MYRIP: variants seen among roughly 807,000 people sequenced by gnomAD.
MYRIP encodes the protein rab effector MyRIP.
In MYRIP, 49 loss-of-function variants were observed where a neutral mutation model predicts 98.0. That is an observed-to-expected ratio of 0.50 (90% CI 0.40 to 0.63). The LOEUF (loss-of-function observed/expected upper bound fraction) is 0.63. MYRIP is among the 30% of genes least tolerant of loss of function. The pLI is 0.00. For missense variants in MYRIP, 1,004 were observed against 1,058.2 expected, an observed-to-expected ratio of 0.95 and a Z score of 0.71; for synonymous variants, 404 against 409.5, an observed-to-expected ratio of 0.99 and a Z score of 0.16.
chr3:40,121,629 T>C (rs1949407022), intron 3 of MYRIP, among the ~76,000 whole-genome samples: 1 of 152,148 alleles, frequency 6.6e-6, no homozygotes, highest in Non-Finnish European at 1.5e-5. Context: ...CAAAGCTACC[T>C]TCCACCAGGT....
intron 9 of MYRIP, among the ~76,000 whole-genome samples, chr3:40,188,479 GAAAAAA>G (rs35216480): frequency 7.3e-6 from 1 of 137,654 alleles, no homozygotes; most frequent in Non-Finnish European, 1.6e-5. Context: ...TGGTTAAAAG[GAAAAAA>G]AAAAAAAAAA....
At chr3:39,841,467 G>C (rs1343780868) in intron 1 of MYRIP, among the ~76,000 whole-genome samples, 1 of 151,986 alleles carries the variant, frequency 6.6e-6, no homozygotes, top group Non-Finnish European at 1.5e-5. Context: ...AATTCATCAA[G>C]TCATTCTCCA....
chr3:40,081,280 A>T (rs181235033), intron 3 of MYRIP, among the ~76,000 whole-genome samples: 4 of 152,258 alleles, frequency 2.6e-5, no homozygotes, highest in African/African-American at 7.2e-5. Context: ...CAAATCTTCT[A>T]TATTCTTCCT....
chr3:39,961,143 T>A (rs1469084408), intron 2 of MYRIP, among the ~76,000 whole-genome samples: 1 of 152,132 alleles, frequency 6.6e-6, no homozygotes, highest in Admixed American at 6.6e-5. Flanking sequence ...TTAAAAAATG[T>A]CTTAGAACAT....
At chr3:40,163,449 G>C (rs895886539) in intron 5 of MYRIP, among the ~76,000 whole-genome samples, 1 of 152,166 alleles carries the variant, frequency 6.6e-6, no homozygotes, top group African/African-American at 2.4e-5. Flanking sequence ...TGTCTGTGAA[G>C]GCATTTCTGG....
chr3:39,815,786 A>G (rs568840512), intron 1 of MYRIP, among the ~76,000 whole-genome samples: 2 of 152,180 alleles, frequency 1.3e-5, no homozygotes, highest in African/African-American at 4.8e-5. Flanking sequence ...TGACTTTGAT[A>G]ATGTTTTAAA....
intron 2 of MYRIP, among the ~76,000 whole-genome samples, chr3:39,957,509 G>A (rs1343031468): frequency 3.9e-5 from 6 of 152,092 alleles, no homozygotes; most frequent in African/African-American, 1.2e-4. Context: ...CAATAAACTC[G>A]GTATTGATGG....
At chr3:39,882,031 A>G (rs1943168860) in intron 1 of MYRIP, among the ~76,000 whole-genome samples, 1 of 152,080 alleles carries the variant, frequency 6.6e-6, no homozygotes, top group African/African-American at 2.4e-5. Context: ...TACTAGAAGT[A>G]TTTTTGTTAA....
At chr3:39,989,690 G>A (rs1356087931) in intron 2 of MYRIP, among the ~76,000 whole-genome samples, 4 of 152,216 alleles carry the variant, frequency 2.6e-5, no homozygotes, top group Non-Finnish European at 5.9e-5. Context: ...AGGGAGATCA[G>A]AGTTCTGTCC....
In MYRIP at chr3:40,129,459, A is replaced by C. The variant is rs904900850; in HGVS notation, c.333-21589A>C. Among the ~76,000 whole-genome samples the C allele has an allele frequency of 3.4e-4, 50 of 148,358 alleles. 1 individual carries two copies. Among genetic ancestry groups the C allele is most frequent in the Non-Finnish European group, 6.6e-4 (44 of 66,930 alleles). On this transcript the variant is annotated intron_variant, in intron 3 of 16. Transcript: ENST00000302541. Reference sequence around the variant, plus strand: ...CTGTCTCAAAAAAAAAAAAAAAAAAAAAAAAAAAAAAAAAAAATCATGCCA... The same window carrying C: ...CTGTCTCAAAAAAAAAAAAAAAAAACAAAAAAAAAAAAAAAAATCATGCCA...
intron 2 of MYRIP, among the ~76,000 whole-genome samples, chr3:39,930,505 T>C (rs1046105601): frequency 6.6e-6 from 1 of 152,096 alleles, no homozygotes; most frequent in African/African-American, 2.4e-5. Context: ...GTGTTTTTAC[T>C]TTATTAATAA....
chr3:39,849,054 C>T (rs1378772502), intron 1 of MYRIP, among the ~76,000 whole-genome samples: 1 of 152,086 alleles, frequency 6.6e-6, no homozygotes, highest in Non-Finnish European at 1.5e-5. Flanking sequence ...ATTTTTTATT[C>T]TATGGAACAC....
chr3:39,850,863 A>G lies in MYRIP; in HGVS notation c.-31+40947A>G, dbSNP rs548662943. 4.9e-4 allele frequency among the ~76,000 whole-genome samples: 75 copies of G among 152,352 alleles called. 1 individual carries two copies. In the South Asian group the frequency reaches 5.4e-3, roughly 11 times the overall value. On this transcript the variant is annotated intron_variant, in intron 1 of 16. Coordinates refer to ENST00000302541, the MANE Select transcript of MYRIP (RefSeq NM_015460.4). ...GAGGATCATTATCCAGTTGAAACTG[A>G]AAGGGAAATTCTCAGTGGGCTGAAG...
At chr3:40,050,605 A>G (rs1947774598) in intron 3 of MYRIP, among the ~76,000 whole-genome samples, 1 of 152,204 alleles carries the variant, frequency 6.6e-6, no homozygotes, top group Admixed American at 6.5e-5. Flanking sequence ...CCCAAGATCA[A>G]GCAGTAATTT....
At chr3:40,236,260 C>CA (rs1234031752) in intron 12 of MYRIP, among the ~76,000 whole-genome samples, 1 of 152,168 alleles carries the variant, frequency 6.6e-6, no homozygotes, top group Non-Finnish European at 1.5e-5. Flanking sequence ...TCTAGGTTTG[C>CA]ATAAGTACAC....
At chr3:39,881,842 C>G (rs956982695) in intron 1 of MYRIP, among the ~76,000 whole-genome samples, 4 of 151,984 alleles carry the variant, frequency 2.6e-5, no homozygotes, top group African/African-American at 9.7e-5. Flanking sequence ...AGTCAGTTTT[C>G]CTTCCTACGT....
At chr3:39,887,865 G>C (rs933616179) in intron 1 of MYRIP, among the ~76,000 whole-genome samples, 3 of 152,030 alleles carry the variant, frequency 2.0e-5, no homozygotes, top group Non-Finnish European at 4.4e-5. Flanking sequence ...AAAATCACAA[G>C]CATTCTTCTA....
intron 2 of MYRIP, among the ~76,000 whole-genome samples, chr3:39,971,145 A>C (rs1193412316): frequency 6.6e-6 from 1 of 152,120 alleles, no homozygotes; most frequent in Admixed American, 6.6e-5. Context: ...AATAAAGGCT[A>C]GTTAGTAAAG....
At chr3:40,003,984 T>A (rs1310985171) in intron 2 of MYRIP, among the ~76,000 whole-genome samples, 2 of 152,206 alleles carry the variant, frequency 1.3e-5, no homozygotes, top group African/African-American at 2.4e-5. Context: ...CTTTTCTGAC[T>A]TTTTTACTAT....
Sources: allele counts gnomAD v4.1 joint callset (sites outside exome capture counted in the v4.1 genomes callset), GRCh38; gene constraint gnomAD v4.1.1; transcripts MANE v1.5; gene names NCBI Gene and HGNC (gene_info 2026-07-23, HGNC 2026-07-21).